Variants in TOP2B observed in about 807,000 individuals in gnomAD.
TOP2B encodes DNA topoisomerase II beta.
A neutral mutation model predicts 193.5 loss-of-function variants in TOP2B; 51 were observed. That is an observed-to-expected ratio of 0.26 (90% confidence interval 0.21 to 0.33). The LOEUF (loss-of-function observed/expected upper bound fraction) is 0.33, where lower values mean the gene tolerates loss of function less well. Ranked by LOEUF, TOP2B falls within the 10% of genes least tolerant of loss-of-function variation. TOP2B has a pLI of 1.00. For missense variants in TOP2B, 1,378 were observed against 1,909.3 expected, an observed-to-expected ratio of 0.72 and a Z score of 5.19; for synonymous variants, 634 against 635.7, an observed-to-expected ratio of 1.00 and a Z score of 0.04.
intron 1 of TOP2B, among the ~76,000 whole-genome samples, chr3:25,663,502 C>A (rs926595969): frequency 6.6e-6 from 1 of 152,162 alleles, no homozygotes; most frequent in African/African-American, 2.4e-5. Context: ...TACTTCCCAG[C>A]AAGAACTGAG....
At chr3:25,653,408 T>C (rs1306318864) in intron 1 of TOP2B, among the ~76,000 whole-genome samples, 1 of 152,074 alleles carries the variant, frequency 6.6e-6, no homozygotes, top group Non-Finnish European at 1.5e-5. Context: ...GCACTTTTTT[T>C]TTTTAAGAGA....
chr3:25,633,993 C>T lies in TOP2B; in HGVS notation c.874G>A (p.Val292Ile). 6.2e-7 allele frequency: 1 copy of T among 1,606,902 alleles called. No homozygotes were observed. The highest frequency in any genetic ancestry group is 1.1e-5 in the South Asian group (1 of 89,398). Residue 292 changes from valine to isoleucine, a missense_variant, in exon 8 of 36, where the codon GTA becomes ATA. By Grantham distance (29) the Val-to-Ile change is conservative (BLOSUM62 3). Around this residue, in one of 9 missense-constraint regions of TOP2B, gnomAD observed 222 missense variants for 306.6 expected, o/e 0.72. Transcript: ENST00000264331. ...AATTTGTCTTTCACATAAAGATCTA[C>T]ATAACTGCGAAATCCATTTACCTAT... ...KLPVNGFRSY[V>I]DLYVKDKLDE...
intron 22 of TOP2B, 47 bp from the exon 23 acceptor site, chr3:25,620,109 T>G: frequency 8.2e-7 from 1 of 1,215,274 alleles, no homozygotes; most frequent in Non-Finnish European, 1.2e-6. Context: ...CACACTCTCA[T>G]GTTCTCATAC....
Position 25,598,307 on chromosome 3 carries a change from T to TTAA in TOP2B, c.4878_4880dup (p.Asn1626_Ter1627insTyr), listed in dbSNP as rs1385662387. The TTAA allele has an allele frequency of 6.2e-7, 1 of 1,602,822 alleles. No homozygotes were observed. Among genetic ancestry groups the TTAA allele is most frequent in the East Asian group, 2.2e-5 (1 of 44,650 alleles). ...AAAAATGTTTGTGCTCTTTGGGCAC[T>TTAA]TAATTAAACATTGCAAAATCAACAT... On this transcript the variant is annotated inframe_insertion, in exon 36 of 36. Coordinates refer to ENST00000264331, the MANE Select transcript of TOP2B (RefSeq NM_001330700.2).
At position 25,636,039 on chromosome 3, in the gene TOP2B, T is replaced by A. The variant is rs968420858; in HGVS notation, c.749A>T (p.Glu250Val). 2.5e-6 allele frequency: 4 copies of A among 1,613,390 alleles called. No homozygotes were observed. The highest frequency in any genetic ancestry group is 3.4e-6 in the Non-Finnish European group (4 of 1,179,592). ...FQPDLSKFKM[E>V]KLDKDIVALM... ...GGCCACAATATCCTTGTCAAGTTTT[T>A]CCATCTTAAATTTGGACAGATCTGG... The change falls in exon 7 of 36, where the codon GAA becomes GTA. Residue 250 changes from glutamate to valine, a missense_variant. Physicochemically the swap from Glu to Val is moderately radical, Grantham distance 121. Coordinates refer to ENST00000264331, the MANE Select transcript of TOP2B (RefSeq NM_001330700.2).
At chr3:25,656,957 T>C (rs530756135) in intron 1 of TOP2B, among the ~76,000 whole-genome samples, 1 of 152,368 alleles carries the variant, frequency 6.6e-6, no homozygotes, top group South Asian at 2.1e-4. Context: ...TTATTACTTC[T>C]GCAACCCCAA....
intron 1 of TOP2B, among the ~76,000 whole-genome samples, chr3:25,663,537 C>T (rs561828830): frequency 6.6e-6 from 1 of 152,134 alleles, no homozygotes; most frequent in Non-Finnish European, 1.5e-5. Flanking sequence ...AACTTCAGGA[C>T]TAAGCACTTC....
Position 25,647,357 on chromosome 3 carries a change from T to G in TOP2B, c.70-1887A>C, listed in dbSNP as rs1703439617. 3.3e-5 allele frequency among the ~76,000 whole-genome samples: 5 copies of G among 152,170 alleles called. No individual in the cohort carries two copies. The South Asian group carries it at 1.0e-3, about 31-fold the overall frequency. On this transcript the variant is annotated intron_variant, in intron 1 of 35. Coordinates refer to ENST00000264331, the MANE Select transcript of TOP2B (RefSeq NM_001330700.2). ...TTAAAATCACACTCTAAGAAAGTAC[T>G]CAAAGAAGATAGATGCTATGGAATC...
intron 20 of TOP2B, 109 bp from the exon 21 acceptor site, chr3:25,623,855 T>C (rs905842419): frequency 7.0e-6 from 5 of 717,658 alleles, no homozygotes; most frequent in Admixed American, 2.9e-5. Flanking sequence ...TTGAAGAGAA[T>C]GCATTTTTAA....
chr3:25,621,001 C>T (rs905669116), intron 21 of TOP2B, among the ~76,000 whole-genome samples, 185 bp from the exon 22 acceptor site: 5 of 152,208 alleles, frequency 3.3e-5, no homozygotes, highest in African/African-American at 1.2e-4. Context: ...ATCCTCCAAT[C>T]TCAAAATGTT....
At chr3:25,658,369 C>T (rs1474845090) in intron 1 of TOP2B, among the ~76,000 whole-genome samples, 1 of 151,596 alleles carries the variant, frequency 6.6e-6, no homozygotes, top group Non-Finnish European at 1.5e-5. Flanking sequence ...AACAAATTAC[C>T]AAACTACTGA....
Position 25,598,458 on chromosome 3 carries a change from A to C in TOP2B, c.4730T>G (p.Phe1577Cys), listed in dbSNP as rs1701987373. ...GATGTCCACATCTGAATCCTGATCA[A>C]AAGATGTCTTCTTCGGTTTCTAGAT... ...TTSKKPKKTSFDQDSDVDIFP... is the reference protein window; with the variant it reads ...TTSKKPKKTSCDQDSDVDIFP... The change falls in exon 36 of 36, where the codon TTT (phenylalanine) becomes TGT (cysteine). Residue 1577 changes from phenylalanine to cysteine, a missense_variant. Phe to Cys is a radical substitution (Grantham distance 205, BLOSUM62 -2). This residue lies in a region of TOP2B where 556 missense variants were observed against 584.2 expected (regional missense o/e 0.95). Transcript: ENST00000264331. 6.3e-7 allele frequency: 1 copy of C among 1,591,024 alleles called. No homozygotes were observed. Among genetic ancestry groups the C allele is most frequent in the Non-Finnish European group, 8.5e-7 (1 of 1,172,804 alleles).
At chr3:25,657,149 CCT>C (rs1432852615) in intron 1 of TOP2B, among the ~76,000 whole-genome samples, 2 of 152,196 alleles carry the variant, frequency 1.3e-5, no homozygotes, top group African/African-American at 2.4e-5. Flanking sequence ...GAGGTTCTCC[CCT>C]GAGACTTTTA....
At chr3:25,630,965 C>A in intron 10 of TOP2B, 26 bp from the exon 11 acceptor site, 1 of 1,547,536 alleles carries the variant, frequency 6.5e-7, no homozygotes, top group Non-Finnish European at 8.7e-7. Context: ...TAATGGTATA[C>A]AAACAAGCTG....
chr3:25,656,684 A>C (rs938032468), intron 1 of TOP2B, among the ~76,000 whole-genome samples: 2 of 152,176 alleles, frequency 1.3e-5, no homozygotes, highest in Non-Finnish European at 2.9e-5. Flanking sequence ...ATAAAACATG[A>C]GCCCATTTTT....
At position 25,663,587 on chromosome 3, in the gene TOP2B, T is replaced by C. The variant is rs965938310; in HGVS notation, c.69+642A>G. 2.6e-5 allele frequency among the ~76,000 whole-genome samples: 4 copies of C among 152,174 alleles called. No individual in the cohort carries two copies. The East Asian group carries it at 7.7e-4, about 29-fold the overall frequency. On this transcript the variant is annotated intron_variant, in intron 1 of 35. Transcript: ENST00000264331. ...GACATCCATTCAGCCCTCACCCCGT[T>C]ACACCTGCGATGCTGACGTAGACAA... is the stretch of plus-strand genomic sequence containing the variant.
At chr3:25,624,884 T>C (rs899994562) in intron 18 of TOP2B, 81 bp from the exon 19 acceptor site, 2 of 1,430,486 alleles carry the variant, frequency 1.4e-6, no homozygotes, top group African/African-American at 1.4e-5. Context: ...AAGATACAAT[T>C]TGCTTTTCAA....
At chr3:25,627,146 G>A (rs780153682) in intron 16 of TOP2B, 41 bp downstream of exon 16, 2 of 1,378,026 alleles carry the variant, frequency 1.5e-6, no homozygotes, top group African/African-American at 1.4e-5. Context: ...AGAAGGTAGG[G>A]GGATGGCTAA....
chr3:25,635,997 G>A lies in TOP2B; in HGVS notation c.791C>T (p.Ala264Val). The A allele has an allele frequency of 1.2e-6, 2 of 1,613,360 alleles. No individual in the cohort carries two copies. Among genetic ancestry groups the A allele is most frequent in the Non-Finnish European group, 1.7e-6 (2 of 1,179,512 alleles). Reference protein sequence around the residue: ...KDIVALMTRRAYDLAGSCRGV... With the variant: ...KDIVALMTRRVYDLAGSCRGV... ...TCTACACGAACCAGCCAAATCATAT[G>A]CCCTTCTAGTCATGAGGGCCACAAT... The change falls in exon 7 of 36, where the codon GCA becomes GTA. Residue 264 changes from alanine to valine, a missense_variant. This residue lies in a region of TOP2B where 222 missense variants were observed against 306.6 expected (regional missense o/e 0.72). Coordinates refer to ENST00000264331, the MANE Select transcript of TOP2B (RefSeq NM_001330700.2).
Sources: gnomAD v4.1 joint callset for allele counts (sites outside exome capture counted in the v4.1 genomes callset) on GRCh38, gnomAD v4.1.1 for gene constraint, gnomAD v4.1.1 regional missense constraint, MANE v1.5 for transcripts, NCBI Gene and HGNC (gene_info 2026-07-23, HGNC 2026-07-21) for gene names.